GPC6: variants seen among roughly 807,000 people sequenced by gnomAD.
The protein encoded by GPC6 is glypican 6.
A neutral mutation model predicts 55.2 loss-of-function variants in GPC6; 14 were observed. The observed-to-expected ratio is 0.25, with a 90% confidence interval of 0.17 to 0.40. GPC6 has a LOEUF of 0.40. Ranked by LOEUF, GPC6 falls within the 10% of genes least tolerant of loss-of-function variation. The pLI, the probability that GPC6 is intolerant of heterozygous loss-of-function variation, is 1.00. For missense variants in GPC6, 641 were observed against 708.5 expected, an observed-to-expected ratio of 0.90 and a Z score of 1.08; for synonymous variants, 278 against 259.6, an observed-to-expected ratio of 1.07 and a Z score of -0.68.
chr13:93,671,866 G>T (rs1199789342), intron 2 of GPC6, among the ~76,000 whole-genome samples: 1 of 152,030 alleles, frequency 6.6e-6, no homozygotes, highest in Admixed American at 6.6e-5. Flanking sequence ...AGGTTAAGTG[G>T]CATGTCAGGA....
At chr13:93,565,407 G>A (rs1269895154) in intron 2 of GPC6, among the ~76,000 whole-genome samples, 1 of 152,096 alleles carries the variant, frequency 6.6e-6, no homozygotes, top group Non-Finnish European at 1.5e-5. Flanking sequence ...CTTGTTTCTT[G>A]GATAAAGGAA....
chr13:94,149,110 G>A (rs896684448), intron 4 of GPC6, among the ~76,000 whole-genome samples: 2 of 152,108 alleles, frequency 1.3e-5, no homozygotes, highest in Non-Finnish European at 2.9e-5. Flanking sequence ...CTACATGCCT[G>A]ATTTCTCACA....
chr13:94,111,506 AAT>A (rs1566420484), intron 4 of GPC6, among the ~76,000 whole-genome samples: 1 of 138,254 alleles, frequency 7.2e-6, no homozygotes, highest in African/African-American at 2.8e-5. Flanking sequence ...TAATAATAAT[AAT>A]AATAAACTTC....
chr13:94,318,131 G>C (rs1176080596), intron 6 of GPC6, among the ~76,000 whole-genome samples: 2 of 152,204 alleles, frequency 1.3e-5, no homozygotes, highest in South Asian at 2.1e-4. Flanking sequence ...TGGAAGAGTA[G>C]AGGGAAGAAG....
intron 1 of GPC6, among the ~76,000 whole-genome samples, chr13:93,520,357 A>G (rs191109444): frequency 1.3e-5 from 2 of 152,110 alleles, no homozygotes; most frequent in South Asian, 2.1e-4. Flanking sequence ...CATGTGAGTT[A>G]CAGATTCCTT....
At chr13:94,115,153 G>T (rs1440257852) in intron 4 of GPC6, among the ~76,000 whole-genome samples, 1 of 152,132 alleles carries the variant, frequency 6.6e-6, no homozygotes, top group Non-Finnish European at 1.5e-5. Flanking sequence ...TTTATAGAAT[G>T]AAATCATAAC....
intron 3 of GPC6, among the ~76,000 whole-genome samples, chr13:93,979,453 T>G (rs1223582232): frequency 6.6e-6 from 1 of 151,882 alleles, no homozygotes; most frequent in African/African-American, 2.4e-5. Context: ...TCCTGATGCT[T>G]TTTTTTAATT....
intron 2 of GPC6, among the ~76,000 whole-genome samples, chr13:93,626,484 T>C (rs1228069184): frequency 3.3e-5 from 5 of 152,164 alleles, no homozygotes; most frequent in Admixed American, 2.0e-4. Context: ...ATAACCCTTG[T>C]ATTAGTCCAT....
intron 4 of GPC6, among the ~76,000 whole-genome samples, chr13:94,173,698 C>G (rs1888651113): frequency 6.6e-6 from 1 of 152,170 alleles, no homozygotes; most frequent in African/African-American, 2.4e-5. Flanking sequence ...GAGAACATCA[C>G]TAGTTCCAGT....
intron 3 of GPC6, among the ~76,000 whole-genome samples, chr13:93,932,326 G>A (rs1263799003): frequency 6.6e-6 from 1 of 151,902 alleles, no homozygotes; most frequent in Non-Finnish European, 1.5e-5. Context: ...TAAGGACACT[G>A]GTCTGCAGTA....
chr13:93,786,772 A>G (rs1046567359), intron 2 of GPC6, among the ~76,000 whole-genome samples: 1 of 146,958 alleles, frequency 6.8e-6, no homozygotes, highest in Non-Finnish European at 1.5e-5. Context: ...TTATATATAT[A>G]TGCAGAAGAA....
intron 4 of GPC6, among the ~76,000 whole-genome samples, chr13:94,030,071 C>G (rs921089870): frequency 6.7e-6 from 1 of 150,370 alleles, no homozygotes; most frequent in African/African-American, 2.5e-5. Context: ...GGCACGATCT[C>G]GGCTCACTGC....
At chr13:93,669,138 A>G (rs1176542119) in intron 2 of GPC6, among the ~76,000 whole-genome samples, 2 of 152,194 alleles carry the variant, frequency 1.3e-5, no homozygotes, top group Non-Finnish European at 2.9e-5. Context: ...ATACAAGTGT[A>G]TTTCTTGCAC....
At chr13:93,560,659 T>A (rs1875733084) in intron 2 of GPC6, among the ~76,000 whole-genome samples, 1 of 151,396 alleles carries the variant, frequency 6.6e-6, no homozygotes, top group Non-Finnish European at 1.5e-5. Context: ...ATCGAGAACA[T>A]CCTGGCTAAC....
At chr13:94,042,935 T>C (rs894257271) in intron 4 of GPC6, among the ~76,000 whole-genome samples, 1 of 151,888 alleles carries the variant, frequency 6.6e-6, no homozygotes, top group African/African-American at 2.4e-5. Flanking sequence ...TAGTTATGTA[T>C]TTATATCGGT....
chr13:94,156,088 C>G (rs987809215), intron 4 of GPC6, among the ~76,000 whole-genome samples: 1 of 152,170 alleles, frequency 6.6e-6, no homozygotes, highest in Non-Finnish European at 1.5e-5. Flanking sequence ...ACACCTTTGG[C>G]TTTTCCATAT....
At chr13:93,864,431 CA>C (rs1380322572) in intron 3 of GPC6, among the ~76,000 whole-genome samples, 1 of 151,600 alleles carries the variant, frequency 6.6e-6, no homozygotes, top group Non-Finnish European at 1.5e-5. Context: ...TCCACCAGTG[CA>C]AAATGCTGAT....
chr13:93,419,309 T>G (rs1470843764), intron 1 of GPC6, among the ~76,000 whole-genome samples: 1 of 151,826 alleles, frequency 6.6e-6, no homozygotes, highest in East Asian at 2.0e-4. Flanking sequence ...TGTAAATAAC[T>G]TTGAGTGTGT....
chr13:93,303,733 G>A (rs1210220638), intron 1 of GPC6, among the ~76,000 whole-genome samples: 1 of 151,946 alleles, frequency 6.6e-6, no homozygotes, highest in Non-Finnish European at 1.5e-5. Context: ...GGAAAATTCC[G>A]GCCTCATTTT....
Sources: allele counts gnomAD v4.1 joint callset (sites outside exome capture counted in the v4.1 genomes callset), GRCh38; gene constraint gnomAD v4.1.1; transcripts MANE v1.5; gene names NCBI Gene and HGNC (gene_info 2026-07-23, HGNC 2026-07-21).